The following ASCC2 variants were observed in gnomAD, a reference collection of about 807,000 sequenced individuals.
The protein encoded by ASCC2 is activating signal cointegrator 1 complex subunit 2.
Under a neutral mutation model 93.5 loss-of-function variants are expected in ASCC2, and 42 were observed. The ratio of observed to expected loss-of-function variants is 0.45; its 90% CI spans 0.35 to 0.58. ASCC2 has a LOEUF of 0.58. ASCC2 is among the 20% of genes least tolerant of loss of function. The pLI, the probability that ASCC2 is intolerant of heterozygous loss-of-function variation, is 0.00. For synonymous variants in ASCC2, 364 were observed against 384.2 expected, an observed-to-expected ratio of 0.95 and a Z score of 0.62; for missense variants, 859 against 977.6, an observed-to-expected ratio of 0.88 and a Z score of 1.62.
Position 29,793,478 on chromosome 22 carries a change from G to A in ASCC2, c.1801C>T (p.Pro601Ser), listed in dbSNP as rs759695416. Residue 601 changes from proline to serine, a missense_variant, in exon 17 of 20, where the codon CCA becomes TCA. Transcript: ENST00000307790. ...CTGTGGTAGGGCAGGCTCTCGCCTG[G>A]CTGCAGTGGCACCTGCAATGGCATA... ...SVVVEEVPLQPGESLPYHSVY... is the reference protein window; with the variant it reads ...SVVVEEVPLQSGESLPYHSVY... The A allele has an allele frequency of 1.2e-6, 2 of 1,614,128 alleles. No homozygotes were observed. The highest frequency in any genetic ancestry group is 1.7e-6 in the Non-Finnish European group (2 of 1,180,030).
At chr22:29,790,412 A>AGGCCCTCCCCAGATGGTGGGAGG (rs1186000315) in intron 19 of ASCC2, 57 bp downstream of exon 19, 61 of 1,585,940 alleles carry the variant, frequency 3.8e-5, no homozygotes, top group Non-Finnish European at 4.9e-5. Flanking sequence ...GTGGCTGGCT[A>AGGCCCTCCCCAGATGGTGGGAGG]GGCCCTCCCC....
chr22:29,790,924 A>C (rs2057660137), intron 18 of ASCC2, among the ~76,000 whole-genome samples: 1 of 152,124 alleles, frequency 6.6e-6, no homozygotes, highest in African/African-American at 2.4e-5. Flanking sequence ...GTGGGAGCTA[A>C]GTGGTCCCGG....
At chr22:29,832,107 A>T in intron 2 of ASCC2, 138 bp downstream of exon 2, 1 of 700,570 alleles carries the variant, frequency 1.4e-6, no homozygotes, top group Non-Finnish European at 2.4e-6. Flanking sequence ...GGAAGAGACT[A>T]GTAGTGTCTC....
At position 29,806,164 on chromosome 22, in the gene ASCC2, T is replaced by A. The variant is rs749436222; in HGVS notation, c.1160+52A>T. The A allele has an allele frequency of 2.2e-5, 35 of 1,582,698 alleles. No individual in the cohort carries two copies. In the Admixed American group the frequency reaches 5.7e-4, roughly 26 times the overall value. ...CTGGGTTCCAGCAGCCTGTCTCACC[T>A]CTGACCTAGTCAAGCTGGGCCCTGT... On this transcript the variant is annotated intron_variant, in intron 12 of 19. Coordinates refer to ENST00000307790, the MANE Select transcript of ASCC2 (RefSeq NM_032204.5).
intron 2 of ASCC2, among the ~76,000 whole-genome samples, chr22:29,827,947 TGACACA>T (rs779271541): frequency 1.7e-5 from 1 of 58,444 alleles, no homozygotes. Context: ...CTCATTCTTC[TGACACA>T]CACACACACA....
rs1187739065 is a variant in ASCC2, at chr22:29,838,222, G to GCCGCCGCCGCCT, written c.-63_-62insAGGCGGCGGCGG. ...GCTCTGTGCCGCCGCCGCCGCCGCC[G>GCCGCCGCCGCCT]CCGCCGACCACGGTGACAGCTCCCT... On this transcript the variant is annotated 5_prime_UTR_variant, in exon 1 of 20. Coordinates refer to ENST00000307790, the MANE Select transcript of ASCC2 (RefSeq NM_032204.5). 17 of 467,356 alleles carry GCCGCCGCCGCCT rather than the reference G, an allele frequency of 3.6e-5. No homozygotes were observed. Among genetic ancestry groups the GCCGCCGCCGCCT allele is most frequent in the Non-Finnish European group, 6.9e-5 (16 of 232,302 alleles). 29.0% of individuals were successfully genotyped at this position (467,356 alleles called of 1,614,324 possible). A position where few individuals can be genotyped will look rare whatever the true frequency, so the allele number is the denominator to read the frequency against.
intron 15 of ASCC2, among the ~76,000 whole-genome samples, chr22:29,800,733 T>C (rs984375079): frequency 1.3e-5 from 2 of 152,100 alleles, no homozygotes; most frequent in Admixed American, 6.6e-5. Context: ...AAGAGGGGGA[T>C]AGTTTTGGCC....
intron 4 of ASCC2, among the ~76,000 whole-genome samples, chr22:29,823,577 A>T (rs1189471575): frequency 6.6e-6 from 1 of 152,092 alleles, no homozygotes; most frequent in African/African-American, 2.4e-5. Flanking sequence ...GCCAGGCGCG[A>T]TGGCTCGCGC....
rs1269354905 is a variant in ASCC2, at chr22:29,804,588, G to C, written c.1353+50C>G. The C allele has an allele frequency of 2.5e-6, 4 of 1,583,528 alleles. No homozygotes were observed. The South Asian group carries it at 3.4e-5, about 13-fold the overall frequency. ...TCCTGCTGCCCCAGCCTCTCAGATA[G>C]GGCCAAGGAGGGACAAGCGAAGAGG... On this transcript the variant is annotated intron_variant, in intron 13 of 19. Transcript: ENST00000307790.
At chr22:29,834,562 T>A in intron 1 of ASCC2, 1 of 470,700 alleles carries the variant, frequency 2.1e-6, no homozygotes, top group Non-Finnish European at 4.4e-6. Flanking sequence ...TGAAAAAAAA[T>A]CACAAGGCAA....
chr22:29,796,420 T>C (rs529784741), intron 15 of ASCC2, among the ~76,000 whole-genome samples: 46 of 152,048 alleles, frequency 3.0e-4, no homozygotes, highest in African/African-American at 9.2e-4. Context: ...GACAGACCAG[T>C]CAACACGAAA....
Position 29,814,093 on chromosome 22 carries a change from C to T in ASCC2, c.721-551G>A, listed in dbSNP as rs115551519. ...TGATTTGCTCCCACAGCACCTGCCACGTGCCCTTCTGAAATGAGATCACCA... is the reference window on the plus strand; with the variant it reads ...TGATTTGCTCCCACAGCACCTGCCATGTGCCCTTCTGAAATGAGATCACCA... On this transcript the variant is annotated intron_variant, in intron 7 of 19. Transcript: ENST00000307790. 8.0e-3 allele frequency among the ~76,000 whole-genome samples: 1,220 copies of T among 152,302 alleles called. 18 individuals carry two copies. The highest frequency in any genetic ancestry group is 0.028 in the African/African-American group (1,151 of 41,560).
At chr22:29,798,957 G>A (rs1387643644) in intron 15 of ASCC2, among the ~76,000 whole-genome samples, 1 of 152,208 alleles carries the variant, frequency 6.6e-6, no homozygotes, top group Non-Finnish European at 1.5e-5. Context: ...GTCTCTCTGC[G>A]TGCCAGCCCA....
At chr22:29,801,156 G>T (rs1327873499) in intron 14 of ASCC2, 46 bp from the exon 15 acceptor site, 1 of 1,556,914 alleles carries the variant, frequency 6.4e-7, no homozygotes, top group South Asian at 1.2e-5. Flanking sequence ...CCTGCCAGCT[G>T]ATGCAATCTG....
At chr22:29,798,718 C>T (rs2058734158) in intron 15 of ASCC2, among the ~76,000 whole-genome samples, 2 of 152,228 alleles carry the variant, frequency 1.3e-5, no homozygotes. Flanking sequence ...TTCCTGTGTA[C>T]CCCACCCCAG....
Position 29,838,263 on chromosome 22 carries a change from C to A in ASCC2, c.-103G>T. On this transcript the variant is annotated 5_prime_UTR_variant, in exon 1 of 20. Transcript: ENST00000307790. ...ACAGCTCCCTGAGCGCCCGCACTTCCGGGGTCAAACTGCGATTCCGCAGGA... is the reference window on the plus strand; with the variant it reads ...ACAGCTCCCTGAGCGCCCGCACTTCAGGGGTCAAACTGCGATTCCGCAGGA... The A allele has an allele frequency of 2.2e-6, 1 of 463,648 alleles. No individual in the cohort carries two copies. The highest frequency in any genetic ancestry group is 2.4e-5 in the Admixed American group (1 of 42,524). The allele number at this position is 463,648 out of a possible 1,614,324, so 28.7% of individuals were successfully genotyped here. A position where few individuals can be genotyped will look rare whatever the true frequency, so the allele number is the denominator to read the frequency against.
In ASCC2 at chr22:29,832,342, C is replaced by G. The variant is rs772345840; in HGVS notation, c.-17G>C. The G allele has an allele frequency of 1.3e-5, 21 of 1,607,100 alleles. No individual in the cohort carries two copies. In the Admixed American group the frequency reaches 3.3e-4, roughly 26 times the overall value. Reference sequence around the variant, plus strand: ...AGCTGGCATTGTGCTGCGTGACCCTCCTGAAAGGAATATGGATGGGAAGAA... The same window carrying G: ...AGCTGGCATTGTGCTGCGTGACCCTGCTGAAAGGAATATGGATGGGAAGAA... On this transcript the variant is annotated splice_region_variant and 5_prime_UTR_variant, in exon 2 of 20. Transcript: ENST00000307790.
At chr22:29,798,411 G>C (rs2058689359) in intron 15 of ASCC2, among the ~76,000 whole-genome samples, 3 of 152,164 alleles carry the variant, frequency 2.0e-5, no homozygotes, top group Admixed American at 2.0e-4. Context: ...TCCTGGCACT[G>C]TCATGTCTGG....
chr22:29,831,904 C>T (rs949038888), intron 2 of ASCC2, among the ~76,000 whole-genome samples: 3 of 152,206 alleles, frequency 2.0e-5, no homozygotes, highest in Non-Finnish European at 4.4e-5. Context: ...GAAACCTGAA[C>T]ACCCTCCACA....
Sources: allele counts gnomAD v4.1 joint callset (sites outside exome capture counted in the v4.1 genomes callset), GRCh38; gene constraint gnomAD v4.1.1; transcripts MANE v1.5; gene names NCBI Gene and HGNC (gene_info 2026-07-23, HGNC 2026-07-21).